CCSER2: variants seen among roughly 807,000 people sequenced by gnomAD.
CCSER2 encodes serine-rich coiled-coil domain-containing protein 2.
In CCSER2, 46 loss-of-function variants were observed where a neutral mutation model predicts 92.3. The observed-to-expected ratio is 0.50, with a 90% confidence interval of 0.39 to 0.64. The LOEUF (loss-of-function observed/expected upper bound fraction) is 0.64. Among genes scored for constraint, CCSER2 ranks in the 30% least tolerant of loss-of-function variants. CCSER2 has a pLI of 0.00. For missense variants in CCSER2, 1,244 were observed against 1,238.9 expected, an observed-to-expected ratio of 1.00 and a Z score of -0.06; for synonymous variants, 433 against 431.4, an observed-to-expected ratio of 1.00 and a Z score of -0.04.
At chr10:84,337,023 G>A (rs1477192087) in intron 1 of CCSER2, among the ~76,000 whole-genome samples, 3 of 152,172 alleles carry the variant, frequency 2.0e-5, no homozygotes, top group Non-Finnish European at 2.9e-5. Context: ...GGTTTTAGCG[G>A]GGGAAGTAAC....
rs1802094417 is a variant in CCSER2 at position 84,516,287 on chromosome 10, C to A, written c.*2020C>A. The A allele has an allele frequency of 6.6e-6, 1 of 152,210 alleles. No homozygotes were observed. The highest frequency in any genetic ancestry group is 1.5e-5 in the Non-Finnish European group (1 of 68,046). The allele number at this position is 152,210 out of a possible 1,614,324, so 9.4% of individuals were successfully genotyped here. A position where few individuals can be genotyped will look rare whatever the true frequency, so the allele number is the denominator to read the frequency against. On this transcript the variant is annotated 3_prime_UTR_variant, in exon 10 of 10. Coordinates refer to ENST00000372088, the MANE Select transcript of CCSER2 (RefSeq NM_001284240.2). The stretch of plus-strand genomic sequence containing the variant: ...TGAGCAAGACAAATCTTGTACCATA[C>A]TCTTATGTACCAGCACTTCTGATGG...
intron 9 of CCSER2, among the ~76,000 whole-genome samples, chr10:84,504,643 G>A (rs953746879): frequency 9.9e-5 from 15 of 152,156 alleles, no homozygotes; most frequent in Non-Finnish European, 2.1e-4. Flanking sequence ...ATTCCTATAG[G>A]AAACTCTTAT....
chr10:84,475,493 A>AT lies in CCSER2; in HGVS notation c.2236-2076dup, dbSNP rs568929932. ...AATCATAGACAGTCTGCTACTTAGG[A>AT]TTTTTTGATTATATGATGGTACAAA... is the stretch of plus-strand genomic sequence containing the variant. On this transcript the variant is annotated intron_variant, in intron 8 of 9. Transcript: ENST00000372088. 4.9e-3 allele frequency among the ~76,000 whole-genome samples: 747 copies of AT among 152,270 alleles called. 11 individuals carry two copies. The highest frequency in any genetic ancestry group is 4.0e-3 in the Non-Finnish European group (274 of 68,012).
intron 8 of CCSER2, among the ~76,000 whole-genome samples, chr10:84,476,826 G>A (rs1035896844): frequency 9.9e-5 from 15 of 152,130 alleles, no homozygotes; most frequent in Non-Finnish European, 1.9e-4. Flanking sequence ...TTATATAAAT[G>A]AGTGTGCTTT....
rs1280228961 is a variant in CCSER2, at chr10:84,375,533, TTG to T, written c.1614+1720_1614+1721del. Among the ~76,000 whole-genome samples, 10 of 84,642 alleles carry T rather than the reference TTG, an allele frequency of 1.2e-4. No homozygotes were observed. In the South Asian group the frequency reaches 1.9e-3, roughly 16 times the overall value. The allele number at this position is 84,642 out of a possible 152,430, so 55.5% of individuals were successfully genotyped here. ...CGTGTACCTGTTCAGAATTGTTGGT[TTG>T]TTTTTTTTTTTTTTTTGGTGAATTG... On this transcript the variant is annotated intron_variant, in intron 3 of 9. Transcript: ENST00000372088.
Position 84,513,483 on chromosome 10 carries a change from G to C in CCSER2, c.2360G>C (p.Arg787Thr). Residue 787 changes from arginine to threonine, a missense_variant, in exon 10 of 10, where the codon AGA (arginine) becomes ACA (threonine). Physicochemically the swap from Arg to Thr is moderately conservative, Grantham distance 71. Transcript: ENST00000372088. ...CTACAGCCTTCCAGCAGCCTTCCCA[G>C]ACCCACAGATCACACCCAGGGAAAA... ...QVLQPSSSLP[R>T]PTDHTQGKLI... is the part of the protein sequence containing the mutation. The C allele has an allele frequency of 6.2e-7, 1 of 1,613,338 alleles. No homozygotes were observed. The highest frequency in any genetic ancestry group is 8.5e-7 in the Non-Finnish European group (1 of 1,179,626).
At chr10:84,412,249 C>CT (rs566811525) in intron 3 of CCSER2, among the ~76,000 whole-genome samples, 8 of 151,318 alleles carry the variant, frequency 5.3e-5, no homozygotes, top group South Asian at 2.1e-4. Flanking sequence ...CTAAAGTTTT[C>CT]TTTTTTTTTA....
intron 6 of CCSER2, among the ~76,000 whole-genome samples, chr10:84,442,482 T>C (rs1195918327): frequency 6.6e-6 from 1 of 152,236 alleles, no homozygotes; most frequent in African/African-American, 2.4e-5. Context: ...CATTTATCTA[T>C]CTATATCTAC....
At chr10:84,343,115 C>T (rs750488864) in intron 1 of CCSER2, among the ~76,000 whole-genome samples, 5 of 152,176 alleles carry the variant, frequency 3.3e-5, no homozygotes, top group Admixed American at 1.3e-4. Context: ...TCAAACGGCC[C>T]CCTTGGCCTC....
At chr10:84,452,848 A>G (rs765594404) in intron 6 of CCSER2, among the ~76,000 whole-genome samples, 2 of 151,496 alleles carry the variant, frequency 1.3e-5, no homozygotes, top group African/African-American at 4.8e-5. Flanking sequence ...CCCCCCACCA[A>G]ATGTTTCCTA....
intron 3 of CCSER2, among the ~76,000 whole-genome samples, chr10:84,400,019 G>A (rs74965783): frequency 0.015 from 2,268 of 151,822 alleles, 55 homozygotes; most frequent in African/African-American, 0.051. Context: ...TGTGTTTATT[G>A]TCTATTTGTA....
intron 5 of CCSER2, among the ~76,000 whole-genome samples, chr10:84,426,485 G>A (rs10491033): frequency 0.12 from 18,653 of 151,808 alleles, 3,306 homozygotes; most frequent in African/African-American, 0.39. Context: ...TATTTAAACC[G>A]TCTCTGCTTC....
chr10:84,348,145 C>A (rs1844636876), intron 1 of CCSER2, among the ~76,000 whole-genome samples: 1 of 152,222 alleles, frequency 6.6e-6, no homozygotes. Flanking sequence ...CACGCCACTG[C>A]ACTCCAGCCT....
intron 1 of CCSER2, among the ~76,000 whole-genome samples, chr10:84,364,898 T>C (rs894328884): frequency 3.3e-5 from 5 of 151,918 alleles, no homozygotes; most frequent in African/African-American, 1.2e-4. Context: ...TGTGCCACCA[T>C]GCCTGGCTAA....
chr10:84,464,039 G>T (rs11598369), intron 7 of CCSER2, 23 bp downstream of exon 7: 3 of 1,361,496 alleles, frequency 2.2e-6, no homozygotes, highest in Non-Finnish European at 3.1e-6. Flanking sequence ...AGTCATGCTG[G>T]ATTTTTCAAA....
intron 9 of CCSER2, among the ~76,000 whole-genome samples, chr10:84,512,697 T>G (rs957737833): frequency 6.6e-6 from 1 of 152,172 alleles, no homozygotes; most frequent in Non-Finnish European, 1.5e-5. Context: ...TTCACATTTG[T>G]TTTACTCTGA....
intron 9 of CCSER2, among the ~76,000 whole-genome samples, chr10:84,480,375 A>G (rs1360766415): frequency 2.6e-5 from 4 of 152,190 alleles, no homozygotes; most frequent in Non-Finnish European, 4.4e-5. Context: ...TTGAAAAGGC[A>G]TAGTTTCAGT....
chr10:84,413,200 T>G (rs779642493), intron 3 of CCSER2, among the ~76,000 whole-genome samples: 19 of 152,134 alleles, frequency 1.2e-4, no homozygotes, highest in Non-Finnish European at 1.8e-4. Context: ...ACTTTGGGGT[T>G]GGTTTGCTCT....
chr10:84,394,384 TA>T (rs1281174315), intron 3 of CCSER2, among the ~76,000 whole-genome samples: 2 of 100,784 alleles, frequency 2.0e-5, no homozygotes, highest in African/African-American at 1.8e-4. Flanking sequence ...AAAAGGAAAG[TA>T]TGTGTGTGTG....
Sources: gnomAD v4.1 joint callset for allele counts (sites outside exome capture counted in the v4.1 genomes callset) on GRCh38, gnomAD v4.1.1 for gene constraint, MANE v1.5 for transcripts, NCBI Gene and HGNC (gene_info 2026-07-23, HGNC 2026-07-21) for gene names.